Variants in CNTNAP2 observed in about 807,000 individuals in gnomAD.
CNTNAP2 encodes the protein contactin-associated protein-like 2.
In CNTNAP2, 98 loss-of-function variants were observed where a neutral mutation model predicts 155.2. The observed-to-expected ratio is 0.63, with a 90% CI of 0.54 to 0.75. The LOEUF (loss-of-function observed/expected upper bound fraction) is 0.75, where lower values mean the gene tolerates loss of function less well. CNTNAP2 is among the 30% of genes least tolerant of loss of function. The probability of loss-of-function intolerance (pLI) is 0.00; values close to 1 mark genes in which losing one functional copy is unlikely to be tolerated. For missense variants in CNTNAP2, 1,727 were observed against 1,688.1 expected (o/e 1.02, Z -0.40); for synonymous variants, 651 against 631.2 (o/e 1.03, Z -0.47).
chr7:147,647,555 T>C (rs1795386573), intron 13 of CNTNAP2, among the ~76,000 whole-genome samples: 1 of 152,182 alleles, frequency 6.6e-6, no homozygotes, highest in South Asian at 2.1e-4. Flanking sequence ...AGCAGTTGAT[T>C]ATGGGCTATT....
intron 3 of CNTNAP2, among the ~76,000 whole-genome samples, chr7:146,928,890 G>A (rs1331501740): frequency 6.6e-5 from 10 of 151,714 alleles, no homozygotes; most frequent in African/African-American, 1.2e-4. Flanking sequence ...GGGGAGGGGC[G>A]CCTGCCATTG....
chr7:147,825,738 AATG>A (rs1798435989), intron 13 of CNTNAP2, among the ~76,000 whole-genome samples: 1 of 152,148 alleles, frequency 6.6e-6, no homozygotes, highest in Non-Finnish European at 1.5e-5. Context: ...ATAGAGAAGA[AATG>A]AGAGAAGAGA....
chr7:147,844,920 C>A (rs1052211639), intron 13 of CNTNAP2, among the ~76,000 whole-genome samples: 2 of 144,028 alleles, frequency 1.4e-5, no homozygotes, highest in African/African-American at 5.0e-5. Flanking sequence ...TATATTGAAC[C>A]AGCCTTGCAT....
At chr7:147,027,004 G>GAAAAAAAAAAAAACAAAAAAAA (rs1798934918) in intron 3 of CNTNAP2, among the ~76,000 whole-genome samples, 2 of 67,444 alleles carry the variant, frequency 3.0e-5, no homozygotes, top group Non-Finnish European at 5.8e-5. Flanking sequence ...AAACAGAACA[G>GAAAAAAAAAAAAACAAAAAAAA]AAAAAAAAAA....
At chr7:147,574,550 C>T (rs1800352489) in intron 12 of CNTNAP2, among the ~76,000 whole-genome samples, 1 of 152,002 alleles carries the variant, frequency 6.6e-6, no homozygotes, top group African/African-American at 2.4e-5. Context: ...CTGAGTGTTC[C>T]CGTTTTAGGA....
chr7:147,925,612 G>A (rs189638904), intron 14 of CNTNAP2, among the ~76,000 whole-genome samples: 30 of 151,134 alleles, frequency 2.0e-4, no homozygotes, highest in African/African-American at 7.0e-4. Flanking sequence ...GACTACAGGC[G>A]CCCGCCACTC....
At chr7:146,121,722 G>A (rs949185375) in intron 1 of CNTNAP2, among the ~76,000 whole-genome samples, 1 of 152,064 alleles carries the variant, frequency 6.6e-6, no homozygotes, top group African/African-American at 2.4e-5. Flanking sequence ...GAAACTGGCT[G>A]TTACCTGTTT....
chr7:146,712,127 CAT>C (rs1311215020), intron 1 of CNTNAP2, among the ~76,000 whole-genome samples: 6 of 119,908 alleles, frequency 5.0e-5, no homozygotes, highest in African/African-American at 1.8e-4. Flanking sequence ...TATATGTATA[CAT>C]ATCTTATGTA....
At chr7:146,556,767 G>A (rs984300866) in intron 1 of CNTNAP2, among the ~76,000 whole-genome samples, 4 of 151,350 alleles carry the variant, frequency 2.6e-5, no homozygotes, top group Non-Finnish European at 4.4e-5. Flanking sequence ...GGGCAGAGAG[G>A]ACAGCATAAG....
intron 11 of CNTNAP2, among the ~76,000 whole-genome samples, chr7:147,532,955 A>G (rs1202185772): frequency 2.6e-5 from 4 of 152,218 alleles, no homozygotes; most frequent in African/African-American, 9.6e-5. Context: ...AAACCATATC[A>G]ATATCTTACT....
chr7:147,935,437 C>G (rs1382554430), intron 14 of CNTNAP2, among the ~76,000 whole-genome samples: 1 of 152,132 alleles, frequency 6.6e-6, no homozygotes, highest in Non-Finnish European at 1.5e-5. Flanking sequence ...GTAAATCTTT[C>G]TTTAAAAATT....
chr7:148,257,041 C>CTTT (rs1313217205), intron 20 of CNTNAP2, among the ~76,000 whole-genome samples: 2 of 152,088 alleles, frequency 1.3e-5, no homozygotes, highest in African/African-American at 4.8e-5. Context: ...GCATTCTGGG[C>CTTT]AAAAGATACA....
At chr7:147,884,688 A>G (rs1799576696) in intron 13 of CNTNAP2, among the ~76,000 whole-genome samples, 1 of 152,166 alleles carries the variant, frequency 6.6e-6, no homozygotes, top group Admixed American at 6.5e-5. Context: ...CACTGTTTAT[A>G]TGTGTCCCTT....
chr7:146,160,378 C>T (rs1798198631), intron 1 of CNTNAP2, among the ~76,000 whole-genome samples: 1 of 152,052 alleles, frequency 6.6e-6, no homozygotes, highest in Admixed American at 6.5e-5. Flanking sequence ...CACAAAAAAC[C>T]CTTCAAAAAA....
intron 1 of CNTNAP2, among the ~76,000 whole-genome samples, chr7:146,600,166 C>CA: frequency 6.6e-6 from 1 of 152,030 alleles, no homozygotes; most frequent in Non-Finnish European, 1.5e-5. Context: ...CCATAATAGT[C>CA]AGTTTTCAGG....
At chr7:146,928,576 C>A (rs1016409423) in intron 3 of CNTNAP2, among the ~76,000 whole-genome samples, 3 of 152,172 alleles carry the variant, frequency 2.0e-5, no homozygotes, top group African/African-American at 7.2e-5. Flanking sequence ...GAGTGCCAGA[C>A]AGTGGGTGCA....
chr7:146,883,719 A>G (rs1795599671), intron 3 of CNTNAP2, among the ~76,000 whole-genome samples: 1 of 152,188 alleles, frequency 6.6e-6, no homozygotes, highest in African/African-American at 2.4e-5. Context: ...GAACATCAGG[A>G]CAGAATGTTT....
At chr7:148,214,260 T>TGCA (rs1423049227) in intron 18 of CNTNAP2, among the ~76,000 whole-genome samples, 2 of 152,186 alleles carry the variant, frequency 1.3e-5, no homozygotes, top group Non-Finnish European at 2.9e-5. Context: ...GTGCCCAGGG[T>TGCA]GCAGTCAGTG....
intron 8 of CNTNAP2, among the ~76,000 whole-genome samples, chr7:147,179,385 A>T: frequency 6.6e-6 from 1 of 152,182 alleles, no homozygotes; most frequent in East Asian, 1.9e-4. Flanking sequence ...AAACAAGCCT[A>T]CAGAATTAGA....
Sources: gnomAD v4.1 joint callset for allele counts (sites outside exome capture counted in the v4.1 genomes callset) on GRCh38, gnomAD v4.1.1 for gene constraint, MANE v1.5 for transcripts, NCBI Gene and HGNC (gene_info 2026-07-23, HGNC 2026-07-21) for gene names.